KLHL29: variants seen among roughly 807,000 people sequenced by gnomAD.
KLHL29 encodes kelch-like protein 29.
Under a neutral mutation model 80.4 loss-of-function variants are expected in KLHL29, and 21 were observed. The ratio of observed to expected loss-of-function variants is 0.26; its 90% CI spans 0.19 to 0.38. KLHL29 has a LOEUF of 0.38. KLHL29 is among the 10% of genes least tolerant of loss of function. The pLI is 1.00. For synonymous variants in KLHL29, 511 were observed against 526.8 expected (o/e 0.97, Z 0.41); for missense variants, 867 against 1,223.9 (o/e 0.71, Z 4.35).
At chr2:23,418,283 C>T (rs1662656641) in intron 1 of KLHL29, among the ~76,000 whole-genome samples, 1 of 152,176 alleles carries the variant, frequency 6.6e-6, no homozygotes, top group Non-Finnish European at 1.5e-5. Context: ...GTTGCTTTGT[C>T]AGCCCTTGGT....
chr2:23,539,491 G>GA (rs1666774954), intron 2 of KLHL29, among the ~76,000 whole-genome samples: 1 of 141,542 alleles, frequency 7.1e-6, no homozygotes, highest in Admixed American at 7.5e-5. Flanking sequence ...ACCCAGGCTG[G>GA]AGTGCAGTGA....
At chr2:23,500,991 G>A (rs1213314751) in intron 2 of KLHL29, among the ~76,000 whole-genome samples, 1 of 152,200 alleles carries the variant, frequency 6.6e-6, no homozygotes, top group East Asian at 1.9e-4. Context: ...CCCGGCCTGT[G>A]TGTGCTGTCT....
Position 23,654,438 on chromosome 2 carries a change from T to C in KLHL29, c.940+11588T>C, listed in dbSNP as rs144658142. ...CATGTGAACAGGCAGGTTTCAGGAA[T>C]TGATTGATCCAAAAATAATTTCTAT... On this transcript the variant is annotated intron_variant, in intron 5 of 13. Coordinates refer to ENST00000486442, the MANE Select transcript of KLHL29 (RefSeq NM_052920.2). 8.5e-5 allele frequency among the ~76,000 whole-genome samples: 13 copies of C among 152,348 alleles called. No individual in the cohort carries two copies. The East Asian group carries it at 2.5e-3, about 29-fold the overall frequency.
intron 1 of KLHL29, among the ~76,000 whole-genome samples, 174 bp downstream of exon 1, chr2:23,385,954 G>C (rs1439856914): frequency 2.0e-5 from 3 of 151,994 alleles, no homozygotes; most frequent in African/African-American, 7.2e-5. Flanking sequence ...GTCTGGACTC[G>C]CAGGCTGCAG....
At chr2:23,607,185 C>G (rs72849676) in intron 3 of KLHL29, among the ~76,000 whole-genome samples, 4,163 of 152,266 alleles carry the variant, frequency 0.027, 199 homozygotes, top group African/African-American at 0.096. Context: ...CAGGGCTCTG[C>G]CACCCACAGA....
chr2:23,412,746 T>A (rs1266890737), intron 1 of KLHL29, among the ~76,000 whole-genome samples: 5 of 152,174 alleles, frequency 3.3e-5, no homozygotes, highest in Non-Finnish European at 7.4e-5. Context: ...TCTGACAGAC[T>A]GGGTGTAGCT....
At chr2:23,548,328 CACAG>C (rs1667032121) in intron 2 of KLHL29, among the ~76,000 whole-genome samples, 1 of 151,452 alleles carries the variant, frequency 6.6e-6, no homozygotes, top group Non-Finnish European at 1.5e-5. Flanking sequence ...GACACAAGCA[CACAG>C]ACACACACAC....
chr2:23,610,897 A>G (rs990419569), intron 3 of KLHL29, among the ~76,000 whole-genome samples: 3 of 152,252 alleles, frequency 2.0e-5, no homozygotes, highest in African/African-American at 7.2e-5. Flanking sequence ...TTAATCACTT[A>G]TTCTGTGCCA....
chr2:23,652,998 G>A (rs1373239998), intron 5 of KLHL29, among the ~76,000 whole-genome samples: 1 of 152,152 alleles, frequency 6.6e-6, no homozygotes, highest in African/African-American at 2.4e-5. Flanking sequence ...CTAGGAGGTA[G>A]GTGTGTCTCA....
intron 1 of KLHL29, among the ~76,000 whole-genome samples, chr2:23,414,060 A>C (rs1666927291): frequency 6.6e-6 from 1 of 152,226 alleles, no homozygotes; most frequent in Admixed American, 6.5e-5. Context: ...CCATTCCATT[A>C]AAGGACTGGA....
intron 3 of KLHL29, among the ~76,000 whole-genome samples, chr2:23,626,634 G>A (rs1669314995): frequency 6.6e-6 from 1 of 152,244 alleles, no homozygotes; most frequent in Non-Finnish European, 1.5e-5. Context: ...TGTGTCTCCA[G>A]AACAGGATTG....
intron 2 of KLHL29, chr2:23,532,654 G>C: frequency 2.2e-6 from 1 of 456,732 alleles, no homozygotes; most frequent in Non-Finnish European, 4.4e-6. Flanking sequence ...TGAGGCCTGG[G>C]CGGTGGGGAG....
intron 1 of KLHL29, among the ~76,000 whole-genome samples, chr2:23,446,245 GT>G (rs1323251552): frequency 6.7e-6 from 1 of 149,698 alleles, no homozygotes; most frequent in Non-Finnish European, 1.5e-5. Context: ...TAGGGATCCA[GT>G]TTTGTTTTTC....
chr2:23,524,174 T>C, intron 2 of KLHL29: 1 of 402,142 alleles, frequency 2.5e-6, no homozygotes, highest in Non-Finnish European at 5.1e-6. Flanking sequence ...GGGGGATGAC[T>C]TGCTCAGTGC....
At chr2:23,422,355 G>A (rs1296389731) in intron 1 of KLHL29, among the ~76,000 whole-genome samples, 1 of 151,036 alleles carries the variant, frequency 6.6e-6, no homozygotes, top group Non-Finnish European at 1.5e-5. Flanking sequence ...TTTGTGTGTT[G>A]TGTTTGTGTG....
At chr2:23,499,269 C>G (rs1170992904) in intron 2 of KLHL29, among the ~76,000 whole-genome samples, 1 of 152,102 alleles carries the variant, frequency 6.6e-6, no homozygotes. Context: ...GTAGGCCAGA[C>G]AGTGGAATGG....
At chr2:23,408,716 T>C (rs1666792698) in intron 1 of KLHL29, among the ~76,000 whole-genome samples, 2 of 152,244 alleles carry the variant, frequency 1.3e-5, no homozygotes, top group African/African-American at 4.8e-5. Flanking sequence ...ACTAAAAGAT[T>C]GTCTGTATAC....
Position 23,431,034 on chromosome 2 carries a change from T to C in KLHL29, c.-153-44526T>C, listed in dbSNP as rs1441208766. On this transcript the variant is annotated intron_variant, in intron 1 of 13. Transcript: ENST00000486442. ...ATAGACGGACACAACAGATACTCCT[T>C]TCTCCGTGCTGTGCAGCCTGGAGAG... Among the ~76,000 whole-genome samples, 3 of 152,330 alleles carry C rather than the reference T, an allele frequency of 2.0e-5. 1 individual carries two copies. The highest frequency in any genetic ancestry group is 7.2e-5 in the African/African-American group (3 of 41,586).
chr2:23,509,034 T>C (rs1316434619), intron 2 of KLHL29, among the ~76,000 whole-genome samples: 1 of 152,160 alleles, frequency 6.6e-6, no homozygotes, highest in African/African-American at 2.4e-5. Context: ...GTCATGAGAA[T>C]CAAATGGGTT....
Sources: allele counts gnomAD v4.1 joint callset (sites outside exome capture counted in the v4.1 genomes callset), GRCh38; gene constraint gnomAD v4.1.1; transcripts MANE v1.5; gene names NCBI Gene and HGNC (gene_info 2026-07-23, HGNC 2026-07-21).